Variants in LUM observed in about 807,000 individuals in gnomAD.
The protein encoded by LUM is lumican.
In LUM, 13 loss-of-function variants were observed where a neutral mutation model predicts 20.5. The observed-to-expected ratio is 0.63, with a 90% confidence interval of 0.41 to 1.01. LUM has a LOEUF of 1.01. Among genes scored for constraint, LUM ranks in the 50% least tolerant of loss-of-function variants. The pLI, the probability that LUM is intolerant of heterozygous loss-of-function variation, is 0.00. For synonymous variants in LUM, 173 were observed against 151.5 expected (o/e 1.14, Z -1.04); for missense variants, 321 against 391.1 (o/e 0.82, Z 1.51).
At chr12:91,107,368 A>C (rs1433736589) in intron 2 of LUM, among the ~76,000 whole-genome samples, 1 of 151,506 alleles carries the variant, frequency 6.6e-6, no homozygotes, top group African/African-American at 2.4e-5. Flanking sequence ...AGGAAGAAAG[A>C]AAAAGAGAGA....
At chr12:91,106,377 AT>A (rs1477427151) in intron 2 of LUM, among the ~76,000 whole-genome samples, 1 of 151,918 alleles carries the variant, frequency 6.6e-6, no homozygotes, top group Admixed American at 6.6e-5. Flanking sequence ...TTCCTGCTTG[AT>A]TTTTTCATTT....
chr12:91,107,262 A>AG (rs779440998), intron 2 of LUM, among the ~76,000 whole-genome samples: 2 of 48,208 alleles, frequency 4.1e-5, no homozygotes, highest in Admixed American at 2.5e-4. Flanking sequence ...AAAGAAAGAA[A>AG]GAAAGAAAGA....
chr12:91,108,663 T>C lies in LUM; in HGVS notation c.317A>G (p.Lys106Arg). 6.2e-7 allele frequency: 1 copy of C among 1,613,988 alleles called. No individual in the cohort carries two copies. Among genetic ancestry groups the C allele is most frequent in the South Asian group, 1.1e-5 (1 of 91,080 alleles). Reference sequence around the variant, plus strand: ...TTTAGAGAAAACTCTCCCTTTTATCTTGGAGTTTTCTAGAAGGTTGTGATC... The same window carrying C: ...TTTAGAGAAAACTCTCCCTTTTATCCTGGAGTTTTCTAGAAGGTTGTGATC... ...ILDHNLLENS[K>R]IKGRVFSKLK... The change falls in exon 2 of 3, where the codon AAG becomes AGG. Residue 106 changes from lysine (K) to arginine (R), a missense_variant. Lys to Arg is a conservative substitution (Grantham distance 26). Transcript: ENST00000266718. This position sits in a 1 kb window ranked among gnomAD's most constrained non-coding sequence, Gnocchi z 4.2.
intron 2 of LUM, among the ~76,000 whole-genome samples, chr12:91,106,260 C>A (rs1880030357): frequency 6.6e-6 from 1 of 152,148 alleles, no homozygotes; most frequent in Non-Finnish European, 1.5e-5. Context: ...TTTCTGACAG[C>A]AATACCTTTA....
Position 91,103,896 on chromosome 12 carries a change from G to A in LUM, c.*269C>T, listed in dbSNP as rs1879967115. ...CTGATTTCCATGCAACCAGTAAAAG[G>A]TTTTGCACATCATTTGACAGTAGAA... On this transcript the variant is annotated 3_prime_UTR_variant, in exon 3 of 3. Transcript: ENST00000266718. The A allele has an allele frequency of 7.2e-6, 2 of 277,792 alleles. No individual in the cohort carries two copies. Among genetic ancestry groups the A allele is most frequent in the East Asian group, 1.6e-4 (2 of 12,148 alleles). 17.2% of individuals were successfully genotyped at this position (277,792 alleles called of 1,614,324 possible).
In LUM at chr12:91,108,551, C is replaced by A; in HGVS notation, c.429G>T (p.Gln143His). The A allele has an allele frequency of 6.2e-7, 1 of 1,610,992 alleles. No homozygotes were observed. Among genetic ancestry groups the A allele is most frequent in the Non-Finnish European group, 8.5e-7 (1 of 1,177,814 alleles). ...GPLPKSLEDLQLTHNKITKLG... is the reference protein window; with the variant it reads ...GPLPKSLEDLHLTHNKITKLG... ...GCTTTGTGATCTTGTTATGAGTAAG[C>A]TGCAGATCCTCCAGAGATTTGGGAA... Residue 143 changes from glutamine to histidine, a missense_variant, in exon 2 of 3, where the codon CAG becomes CAT. By Grantham distance (24) the Gln-to-His change is conservative. Transcript: ENST00000266718. The surrounding 1 kb of genome is among the most constrained non-coding windows in gnomAD (Gnocchi z 4.2).
chr12:91,104,005 C>T lies in LUM; in HGVS notation c.*160G>A. On this transcript the variant is annotated 3_prime_UTR_variant, in exon 3 of 3. Transcript: ENST00000266718. Reference sequence around the variant, plus strand: ...GTGTGTGTTCTTGTGATGAAATAGGCCTGCCTTTCATCTTTTCTTTAAAAA... The same window carrying T: ...GTGTGTGTTCTTGTGATGAAATAGGTCTGCCTTTCATCTTTTCTTTAAAAA... 1.7e-6 allele frequency: 1 copy of T among 585,694 alleles called. No individual in the cohort carries two copies. The highest frequency in any genetic ancestry group is 3.0e-6 in the Non-Finnish European group (1 of 338,770). The allele number at this position is 585,694 out of a possible 1,614,324, so 36.3% of individuals were successfully genotyped here. A position where few individuals can be genotyped will look rare whatever the true frequency, so the allele number is the denominator to read the frequency against.
intron 1 of LUM, among the ~76,000 whole-genome samples, chr12:91,110,177 T>A (rs778589289): frequency 6.6e-6 from 1 of 152,148 alleles, no homozygotes; most frequent in Non-Finnish European, 1.5e-5. Flanking sequence ...CCCTGGGAGA[T>A]AAATCATTAA....
intron 2 of LUM, among the ~76,000 whole-genome samples, chr12:91,104,828 C>T (rs1879996305): frequency 6.6e-6 from 1 of 152,122 alleles, no homozygotes; most frequent in Non-Finnish European, 1.5e-5. Flanking sequence ...TTCCAGCAAT[C>T]ACACACCATA....
At chr12:91,105,411 C>T (rs1880008942) in intron 2 of LUM, among the ~76,000 whole-genome samples, 1 of 152,096 alleles carries the variant, frequency 6.6e-6, no homozygotes, top group African/African-American at 2.4e-5. Flanking sequence ...TTTGATTTTG[C>T]TGTCTTTCTA....
At chr12:91,110,028 A>T (rs1880167839) in intron 1 of LUM, among the ~76,000 whole-genome samples, 1 of 152,184 alleles carries the variant, frequency 6.6e-6, no homozygotes, top group South Asian at 2.1e-4. Flanking sequence ...TTATCTTCTC[A>T]TAGGAACATG....
chr12:91,109,080 C>A, intron 1 of LUM, 80 bp from the exon 2 acceptor site: 1 of 1,026,468 alleles, frequency 9.7e-7, no homozygotes, highest in Non-Finnish European at 1.4e-6. Context: ...ACATTAAATT[C>A]ATTAGAAAAT....
Position 91,108,447 on chromosome 12 carries a change from G to A in LUM, c.533C>T (p.Ala178Val), listed in dbSNP as rs755542891. The change falls in exon 2 of 3, where the codon GCT (alanine) becomes GTT (valine). Residue 178 changes from alanine (A) to valine (V), a missense_variant. Coordinates refer to ENST00000266718, the MANE Select transcript of LUM (RefSeq NM_002345.4). The surrounding 1 kb of genome is among the most constrained non-coding windows in gnomAD (Gnocchi z 4.2). ...HNRLKEDAVS[A>V]AFKGLKSLEY... ...GAGTGATTTAAGACCTTTAAAAGCA[G>A]CTGAAACAGCATCCTCTTTCAGCCG... 5.9e-5 allele frequency: 95 copies of A among 1,614,016 alleles called. No individual in the cohort carries two copies. The Middle Eastern group carries it at 6.6e-4, about 11-fold the overall frequency.
Position 91,108,624 on chromosome 12 carries a change from T to C in LUM, c.356A>G (p.Lys119Arg), listed in dbSNP as rs139704429. 2.1e-5 allele frequency: 34 copies of C among 1,613,862 alleles called. 1 individual carries two copies. The East Asian group carries it at 7.1e-4, about 34-fold the overall frequency. The stretch of plus-strand genomic sequence containing the variant: ...GTTGTTGTGGTTTATATGCAGCTTC[T>C]TCAGTTGTTTCAATTTAGAGAAAAC... ...GRVFSKLKQLKKLHINHNNLT... is the reference protein window; with the variant it reads ...GRVFSKLKQLRKLHINHNNLT... Residue 119 changes from lysine (K) to arginine (R), a missense_variant, in exon 2 of 3, where the codon AAG (lysine) becomes AGG (arginine). Physicochemically the swap from Lys to Arg is conservative, Grantham distance 26 (BLOSUM62 2). Coordinates refer to ENST00000266718, the MANE Select transcript of LUM (RefSeq NM_002345.4). This position sits in a 1 kb window ranked among gnomAD's most constrained non-coding sequence, Gnocchi z 4.2.
At position 91,104,009 on chromosome 12, in the gene LUM, C is replaced by A; in HGVS notation, c.*156G>T. On this transcript the variant is annotated 3_prime_UTR_variant, in exon 3 of 3. Coordinates refer to ENST00000266718, the MANE Select transcript of LUM (RefSeq NM_002345.4). ...GTGTTCTTGTGATGAAATAGGCCTG[C>A]CTTTCATCTTTTCTTTAAAAAAAAT... The A allele has an allele frequency of 3.3e-6, 2 of 598,566 alleles. No homozygotes were observed. Among genetic ancestry groups the A allele is most frequent in the Non-Finnish European group, 5.7e-6 (2 of 348,422 alleles). The allele number at this position is 598,566 out of a possible 1,614,324, so 37.1% of individuals were successfully genotyped here. A position where few individuals can be genotyped will look rare whatever the true frequency, so the allele number is the denominator to read the frequency against.
chr12:91,104,772 C>T (rs893659358), intron 2 of LUM, among the ~76,000 whole-genome samples: 1 of 152,028 alleles, frequency 6.6e-6, no homozygotes, highest in Non-Finnish European at 1.5e-5. Context: ...TTCTAGCAAC[C>T]ACATACCATG....
intron 2 of LUM, among the ~76,000 whole-genome samples, chr12:91,107,265 A>AAGAAAG (rs1643168111): frequency 1.2e-5 from 1 of 83,456 alleles, no homozygotes; most frequent in African/African-American, 5.0e-5. Flanking sequence ...GAAAGAAAGA[A>AAGAAAG]AGAAAGAAAG....
chr12:91,107,745 TG>T (rs1470791691), intron 2 of LUM, among the ~76,000 whole-genome samples: 2 of 152,026 alleles, frequency 1.3e-5, no homozygotes, highest in Non-Finnish European at 2.9e-5. Flanking sequence ...AGACAGAATC[TG>T]GCTGTCTTGC....
intron 2 of LUM, among the ~76,000 whole-genome samples, chr12:91,104,600 G>A (rs534918007): frequency 6.6e-5 from 10 of 151,976 alleles, no homozygotes; most frequent in African/African-American, 2.4e-4. Flanking sequence ...TTTTAAAAAG[G>A]CATTCAATAA....
Sources: gnomAD v4.1 joint callset for allele counts (sites outside exome capture counted in the v4.1 genomes callset) on GRCh38, gnomAD v4.1.1 for gene constraint, Gnocchi (gnomAD v3.1) non-coding constraint, MANE v1.5 for transcripts, NCBI Gene and HGNC (gene_info 2026-07-23, HGNC 2026-07-21) for gene names.